FER: variants seen among roughly 807,000 people sequenced by gnomAD.
The protein encoded by FER is tyrosine-protein kinase Fer.
A neutral mutation model predicts 111.0 loss-of-function variants in FER; 63 were observed. That is an observed-to-expected ratio of 0.57 (90% CI 0.46 to 0.70). The LOEUF is 0.70. Among genes scored for constraint, FER ranks in the 30% least tolerant of loss-of-function variants. The pLI is 0.00. For synonymous variants in FER, 327 were observed against 313.9 expected, an observed-to-expected ratio of 1.04 and a Z score of -0.44; for missense variants, 914 against 954.0, an observed-to-expected ratio of 0.96 and a Z score of 0.55.
chr5:109,162,524 T>G (rs1756100303), intron 17 of FER, among the ~76,000 whole-genome samples: 1 of 152,124 alleles, frequency 6.6e-6, no homozygotes, highest in Non-Finnish European at 1.5e-5. Context: ...ACAAATACGG[T>G]CCACAAGGGT....
intron 10 of FER, among the ~76,000 whole-genome samples, chr5:108,899,373 T>C (rs1334500607): frequency 6.6e-6 from 1 of 152,200 alleles, no homozygotes; most frequent in East Asian, 1.9e-4. Context: ...ATCTGGCATA[T>C]GTGTTCTTTC....
intron 10 of FER, among the ~76,000 whole-genome samples, chr5:108,904,210 G>T (rs182947902): frequency 1.1e-3 from 169 of 152,128 alleles, no homozygotes; most frequent in African/African-American, 3.8e-3. Flanking sequence ...TAATTGGAGG[G>T]GACAGTGAAT....
intron 17 of FER, among the ~76,000 whole-genome samples, chr5:109,117,600 G>A (rs1434892024): frequency 6.6e-6 from 1 of 152,106 alleles, no homozygotes; most frequent in South Asian, 2.1e-4. Flanking sequence ...ACCTTGGACA[G>A]TATGGCCATT....
chr5:108,871,389 C>A lies in FER; in HGVS notation c.690C>A (p.Ser230Arg). Residue 230 changes from serine (S) to arginine (R), a missense_variant, in exon 7 of 20, where the codon AGC becomes AGA. Transcript: ENST00000281092. Reference sequence around the variant, plus strand: ...GCAAAGGTATATTTGATGAATACAGCCAGATAACCAGTCTTGTCACAGAGG... The same window carrying A: ...GCAAAGGTATATTTGATGAATACAGACAGATAACCAGTCTTGTCACAGAGG... ...KALKGIFDEY[S>R]QITSLVTEEI... The A allele has an allele frequency of 6.2e-7, 1 of 1,610,274 alleles. No homozygotes were observed. Among genetic ancestry groups the A allele is most frequent in the Non-Finnish European group, 8.5e-7 (1 of 1,177,958 alleles).
intron 16 of FER, among the ~76,000 whole-genome samples, chr5:109,088,302 T>G (rs1777785011): frequency 6.6e-6 from 1 of 152,124 alleles, no homozygotes; most frequent in African/African-American, 2.4e-5. Flanking sequence ...AAGTTGCTAA[T>G]CTAATTTTCT....
intron 17 of FER, among the ~76,000 whole-genome samples, chr5:109,163,657 G>A (rs954579765): frequency 2.0e-4 from 30 of 152,146 alleles, no homozygotes; most frequent in African/African-American, 6.7e-4. Context: ...GTGTTGCCCA[G>A]GCTGGTCTTG....
At chr5:109,100,307 C>G (rs558940816) in intron 16 of FER, 89 bp from the exon 17 acceptor site, 174 of 1,506,770 alleles carry the variant, frequency 1.2e-4, no homozygotes, top group South Asian at 2.4e-4. Context: ...GCATTTTGCT[C>G]TGTCAAATAT....
intron 13 of FER, among the ~76,000 whole-genome samples, chr5:109,026,689 A>G (rs552302837): frequency 2.1e-4 from 32 of 152,032 alleles, no homozygotes; most frequent in African/African-American, 7.7e-4. Context: ...TTTGTTAATT[A>G]TTCTTTCTTT....
rs192059261 is a variant in FER, at chr5:108,867,677, A to G, written c.482-90A>G. On this transcript the variant is annotated intron_variant, in intron 5 of 19. Coordinates refer to ENST00000281092, the MANE Select transcript of FER (RefSeq NM_005246.4). The stretch of plus-strand genomic sequence containing the variant: ...GTTTAAAAAATGCGTGAAATAACAT[A>G]AAACAGTAGTAATTCAGTTTGTATG... 4,833 of 1,245,502 alleles carry G rather than the reference A, an allele frequency of 3.9e-3. 10 individuals carry two copies. The highest frequency in any genetic ancestry group is 4.1e-3 in the Non-Finnish European group (3,681 of 891,016). 77.2% of individuals were successfully genotyped at this position (1,245,502 alleles called of 1,614,324 possible).
At chr5:109,144,871 A>G (rs1753907799) in intron 17 of FER, among the ~76,000 whole-genome samples, 1 of 152,114 alleles carries the variant, frequency 6.6e-6, no homozygotes, top group African/African-American at 2.4e-5. Flanking sequence ...ATTGGAGAAC[A>G]TGAGAATAAA....
At chr5:109,005,452 G>T (rs1328565456) in intron 13 of FER, among the ~76,000 whole-genome samples, 1 of 151,956 alleles carries the variant, frequency 6.6e-6, no homozygotes, top group Non-Finnish European at 1.5e-5. Flanking sequence ...TTAATGGTTG[G>T]TATTATATTT....
chr5:108,801,958 A>G (rs573480575), intron 3 of FER, among the ~76,000 whole-genome samples: 1 of 152,350 alleles, frequency 6.6e-6, no homozygotes, highest in East Asian at 1.9e-4. Flanking sequence ...TGGATACACT[A>G]GACAAAGGGA....
At chr5:108,899,544 A>G (rs1316127437) in intron 10 of FER, among the ~76,000 whole-genome samples, 1 of 152,046 alleles carries the variant, frequency 6.6e-6, no homozygotes, top group Non-Finnish European at 1.5e-5. Context: ...CACGCCTGTA[A>G]TCCCAGCACC....
intron 5 of FER, among the ~76,000 whole-genome samples, chr5:108,845,437 C>T (rs955541464): frequency 2.0e-5 from 3 of 152,036 alleles, no homozygotes; most frequent in African/African-American, 4.8e-5. Context: ...CCTGCTCGGC[C>T]TCCCAAAGTG....
At chr5:108,938,949 A>C (rs1264657570) in intron 10 of FER, among the ~76,000 whole-genome samples, 2 of 152,066 alleles carry the variant, frequency 1.3e-5, no homozygotes, top group African/African-American at 4.8e-5. Context: ...TTTCTCTCCC[A>C]AAAGATGCAA....
At chr5:108,769,559 G>A (rs972163517) in intron 2 of FER, among the ~76,000 whole-genome samples, 18 of 152,298 alleles carry the variant, frequency 1.2e-4, no homozygotes, top group East Asian at 9.6e-4. Context: ...CTGGCTTTTA[G>A]GAGCTGAGGT....
At chr5:109,146,597 A>T (rs1053395326) in intron 17 of FER, among the ~76,000 whole-genome samples, 1 of 152,022 alleles carries the variant, frequency 6.6e-6, no homozygotes, top group African/African-American at 2.4e-5. Context: ...TTATGAACAT[A>T]TATGACATGT....
At chr5:109,022,970 T>C (rs1012258722) in intron 13 of FER, among the ~76,000 whole-genome samples, 1 of 152,096 alleles carries the variant, frequency 6.6e-6, no homozygotes, top group Non-Finnish European at 1.5e-5. Context: ...ACTGGAGGGA[T>C]TTAATGAGAG....
chr5:108,946,109 CT>C lies in FER; in HGVS notation c.1237-19del. The C allele has an allele frequency of 6.3e-7, 1 of 1,576,350 alleles. No homozygotes were observed. Among genetic ancestry groups the C allele is most frequent in the Non-Finnish European group, 8.7e-7 (1 of 1,146,792 alleles). ...TTGGATAGTTTACTGTTGCTGAAGG[CT>C]TGTTTCTTAATCCCTCCAGGAAAGA... On this transcript the variant is annotated intron_variant, in intron 10 of 19. Transcript: ENST00000281092.
Sources: gnomAD v4.1 joint callset for allele counts (sites outside exome capture counted in the v4.1 genomes callset) on GRCh38, gnomAD v4.1.1 for gene constraint, MANE v1.5 for transcripts, NCBI Gene and HGNC (gene_info 2026-07-23, HGNC 2026-07-21) for gene names.